The following NALF1 variants were observed in gnomAD, a reference collection of about 807,000 sequenced individuals.
NALF1 encodes NALCN channel auxiliary factor 1.
In NALF1, 3 loss-of-function variants were observed where a neutral mutation model predicts 48.4. The ratio of observed to expected loss-of-function variants is 0.06; its 90% CI spans 0.03 to 0.16. The LOEUF (loss-of-function observed/expected upper bound fraction) is 0.16. NALF1 is among the 10% of genes least tolerant of loss of function. The pLI is 1.00. For missense variants in NALF1, 526 were observed against 571.5 expected (o/e 0.92, Z 0.81); for synonymous variants, 262 against 245.7 (o/e 1.07, Z -0.62).
intron 1 of NALF1, among the ~76,000 whole-genome samples, chr13:107,350,252 T>C (rs1882849835): frequency 6.6e-6 from 1 of 152,208 alleles, no homozygotes; most frequent in Non-Finnish European, 1.5e-5. Context: ...ATTCAGTTAC[T>C]AAGACTCAAA....
intron 1 of NALF1, among the ~76,000 whole-genome samples, chr13:107,428,323 A>G (rs1213986050): frequency 6.6e-6 from 1 of 152,186 alleles, no homozygotes; most frequent in African/African-American, 2.4e-5. Context: ...CTGCTGCTGT[A>G]AACAACTTAA....
At chr13:107,642,187 A>G (rs1030279314) in intron 1 of NALF1, among the ~76,000 whole-genome samples, 1 of 152,160 alleles carries the variant, frequency 6.6e-6, no homozygotes, top group African/African-American at 2.4e-5. Flanking sequence ...TCCAACAACT[A>G]TGAAAGGTAG....
chr13:107,722,311 T>C (rs1335767801), intron 1 of NALF1, among the ~76,000 whole-genome samples: 2 of 152,216 alleles, frequency 1.3e-5, no homozygotes, highest in African/African-American at 4.8e-5. Flanking sequence ...ATGTGTTAAC[T>C]TCATTTCATA....
chr13:107,391,740 G>T (rs1883630963), intron 1 of NALF1, among the ~76,000 whole-genome samples: 1 of 151,974 alleles, frequency 6.6e-6, no homozygotes, highest in South Asian at 2.1e-4. Context: ...TTTACCCATA[G>T]CCTGGAAGCA....
At chr13:107,381,205 T>G (rs576954912) in intron 1 of NALF1, among the ~76,000 whole-genome samples, 62 of 126,556 alleles carry the variant, frequency 4.9e-4, no homozygotes, top group Middle Eastern at 7.8e-3. Flanking sequence ...AAAAATAGAG[T>G]TTTTTTTTTT....
At chr13:107,619,334 G>A (rs980830244) in intron 1 of NALF1, among the ~76,000 whole-genome samples, 9 of 152,212 alleles carry the variant, frequency 5.9e-5, no homozygotes, top group Non-Finnish European at 8.8e-5. Context: ...GTACAGAGAG[G>A]ATGGAAGAGC....
intron 1 of NALF1, among the ~76,000 whole-genome samples, chr13:107,739,144 C>T (rs763831497): frequency 1.3e-5 from 2 of 151,912 alleles, no homozygotes; most frequent in Non-Finnish European, 2.9e-5. Flanking sequence ...AAACATCACA[C>T]ACCAGGGCCT....
intron 1 of NALF1, among the ~76,000 whole-genome samples, chr13:107,496,639 C>A (rs180960118): frequency 1.4e-4 from 22 of 152,232 alleles, no homozygotes; most frequent in African/African-American, 5.1e-4. Flanking sequence ...ATGTATTAGT[C>A]CATTTTCATG....
intron 1 of NALF1, among the ~76,000 whole-genome samples, chr13:107,263,623 T>C (rs567416043): frequency 1.3e-5 from 2 of 152,240 alleles, no homozygotes; most frequent in African/African-American, 2.4e-5. Flanking sequence ...ATCCCTTTCA[T>C]TTGGTTCTCA....
intron 1 of NALF1, among the ~76,000 whole-genome samples, chr13:107,718,289 G>A (rs1199042413): frequency 6.6e-6 from 1 of 152,106 alleles, no homozygotes; most frequent in African/African-American, 2.4e-5. Flanking sequence ...AGATTGTCAT[G>A]GACTTACGGG....
chr13:107,775,162 G>A (rs1415908959), intron 1 of NALF1, among the ~76,000 whole-genome samples: 4 of 151,296 alleles, frequency 2.6e-5, no homozygotes, highest in Non-Finnish European at 5.9e-5. Flanking sequence ...CCACTAATTC[G>A]TCATCTAGCA....
chr13:107,263,606 A>G (rs564647588), intron 1 of NALF1, among the ~76,000 whole-genome samples: 24 of 152,102 alleles, frequency 1.6e-4, no homozygotes, highest in Non-Finnish European at 3.1e-4. Context: ...TGGTTTTATA[A>G]GGGGAAATCC....
rs1276478573 is a variant in NALF1 at position 107,170,764 on chromosome 13, G to C, written c.1110C>G (p.Thr370=). 1 of 1,614,110 alleles carries C rather than the reference G, an allele frequency of 6.2e-7. No individual in the cohort carries two copies. Among genetic ancestry groups the C allele is most frequent in the Non-Finnish European group, 8.5e-7 (1 of 1,179,998 alleles). The change falls in exon 3 of 3, where the codon ACC becomes ACG. Residue 370 remains threonine (T), a synonymous_variant. Coordinates refer to ENST00000375915, the MANE Select transcript of NALF1 (RefSeq NM_001080396.3). Reference sequence around the variant, plus strand: ...CGTCACAGCATTCTGGTTCATCATTGGTTAGAAAGGTTTCATAAAGCCCTG... The same window carrying C: ...CGTCACAGCATTCTGGTTCATCATTCGTTAGAAAGGTTTCATAAAGCCCTG... ...ICTGLYETFL[T]NDEPECCDVR... is the part of the protein sequence containing the mutation.
intron 1 of NALF1, among the ~76,000 whole-genome samples, chr13:107,288,899 G>A (rs1881559771): frequency 6.6e-6 from 1 of 152,094 alleles, no homozygotes; most frequent in South Asian, 2.1e-4. Context: ...CTTATTCCTA[G>A]TACATGTTCT....
intron 1 of NALF1, among the ~76,000 whole-genome samples, chr13:107,725,468 G>A (rs1878434417): frequency 6.6e-6 from 1 of 152,204 alleles, no homozygotes; most frequent in Admixed American, 6.5e-5. Context: ...AACACTTTGG[G>A]AGACCGAGGT....
intron 2 of NALF1, among the ~76,000 whole-genome samples, chr13:107,197,899 T>G (rs1300385832): frequency 1.3e-5 from 2 of 152,212 alleles, no homozygotes; most frequent in African/African-American, 4.8e-5. Context: ...CCAATTTTCC[T>G]GGTAAGGATT....
chr13:107,510,003 G>C (rs1223897426), intron 1 of NALF1, among the ~76,000 whole-genome samples: 2 of 151,994 alleles, frequency 1.3e-5, no homozygotes, highest in South Asian at 4.2e-4. Context: ...AGATGGAGAG[G>C]TTGCTATGTT....
intron 1 of NALF1, among the ~76,000 whole-genome samples, chr13:107,771,777 G>A (rs1397485474): frequency 2.0e-5 from 3 of 151,872 alleles, no homozygotes; most frequent in Non-Finnish European, 4.4e-5. Flanking sequence ...TCGCTCTATC[G>A]CCAGGCTGGA....
intron 1 of NALF1, among the ~76,000 whole-genome samples, chr13:107,583,291 G>A (rs1474207473): frequency 3.9e-5 from 6 of 151,906 alleles, no homozygotes; most frequent in African/African-American, 9.7e-5. Flanking sequence ...TTAATGATAC[G>A]CTTCTCCACT....
Sources: allele counts gnomAD v4.1 joint callset (sites outside exome capture counted in the v4.1 genomes callset), GRCh38; gene constraint gnomAD v4.1.1; transcripts MANE v1.5; gene names NCBI Gene and HGNC (gene_info 2026-07-23, HGNC 2026-07-21).